Variants in CDH18 observed in about 807,000 individuals in gnomAD.
CDH18 encodes the protein cadherin-18.
A neutral mutation model predicts 67.9 loss-of-function variants in CDH18; 31 were observed. The observed-to-expected ratio is 0.46, with a 90% CI of 0.34 to 0.62. CDH18 has a LOEUF of 0.62. Among genes scored for constraint, CDH18 ranks in the 20% least tolerant of loss-of-function variants. The pLI is 0.01. For synonymous variants in CDH18, 362 were observed against 347.2 expected (o/e 1.04, Z -0.48); for missense variants, 890 against 975.5 (o/e 0.91, Z 1.17).
intron 1 of CDH18, among the ~76,000 whole-genome samples, chr5:20,458,953 T>A (rs1751030782): frequency 6.6e-6 from 1 of 152,196 alleles, no homozygotes; most frequent in Non-Finnish European, 1.5e-5. Context: ...TTCCACATAG[T>A]TCTTTACTTT....
intron 2 of CDH18, among the ~76,000 whole-genome samples, chr5:20,226,427 T>C (rs1741635371): frequency 6.6e-6 from 1 of 152,144 alleles, no homozygotes; most frequent in African/African-American, 2.4e-5. Flanking sequence ...ATATTGTTTG[T>C]TAAAATGTAC....
At chr5:20,198,256 A>C (rs1355429155) in intron 2 of CDH18, among the ~76,000 whole-genome samples, 1 of 152,114 alleles carries the variant, frequency 6.6e-6, no homozygotes, top group Non-Finnish European at 1.5e-5. Context: ...GGGCAAGAAA[A>C]GACAGAAAGA....
intron 2 of CDH18, among the ~76,000 whole-genome samples, chr5:19,850,306 G>A (rs1428171913): frequency 6.6e-6 from 1 of 151,696 alleles, no homozygotes; most frequent in African/African-American, 2.4e-5. Context: ...TAAAAATGAG[G>A]CACGAAATTT....
intron 2 of CDH18, among the ~76,000 whole-genome samples, chr5:19,925,449 C>A (rs1399959329): frequency 2.0e-5 from 3 of 152,048 alleles, no homozygotes; most frequent in Non-Finnish European, 2.9e-5. Context: ...ATTGGGGAGA[C>A]GAACTCATCA....
chr5:19,812,355 A>T (rs1192298554), intron 3 of CDH18, among the ~76,000 whole-genome samples: 5 of 152,138 alleles, frequency 3.3e-5, no homozygotes, highest in Non-Finnish European at 5.9e-5. Context: ...TATTATTTGG[A>T]GGTTTAAAAA....
rs1418812885 is a variant in CDH18 at position 20,563,275 on chromosome 5, G to A, written c.-580+12187C>T. The stretch of plus-strand genomic sequence containing the variant: ...TTGACATATGTGAGAGCTCATAAAT[G>A]AAAGTATCATCTAAACACAATAACA... On this transcript the variant is annotated intron_variant, in intron 1 of 14. Transcript: ENST00000507958. 2.0e-5 allele frequency among the ~76,000 whole-genome samples: 3 copies of A among 152,044 alleles called. No individual in the cohort carries two copies. The East Asian group carries it at 5.8e-4, about 29-fold the overall frequency.
intron 2 of CDH18, among the ~76,000 whole-genome samples, chr5:19,865,247 T>C (rs1345114226): frequency 3.3e-5 from 5 of 152,164 alleles, no homozygotes. Flanking sequence ...ATAATAGATG[T>C]CAAATACCAA....
intron 4 of CDH18, among the ~76,000 whole-genome samples, chr5:19,744,746 G>A (rs145584633): frequency 1.1e-3 from 161 of 152,216 alleles, no homozygotes; most frequent in African/African-American, 3.6e-3. Flanking sequence ...TCTGTAGGCC[G>A]TAAATGGGAC....
intron 1 of CDH18, among the ~76,000 whole-genome samples, chr5:20,534,314 T>C (rs1756586788): frequency 6.6e-6 from 1 of 152,130 alleles, no homozygotes; most frequent in Non-Finnish European, 1.5e-5. Context: ...AAAAGTATTA[T>C]TTGATTAAAT....
intron 7 of CDH18, among the ~76,000 whole-genome samples, chr5:19,585,413 C>T (rs1024614901): frequency 1.3e-5 from 2 of 152,142 alleles, no homozygotes; most frequent in Non-Finnish European, 2.9e-5. Flanking sequence ...CCACTGCACC[C>T]ATACACATCC....
intron 3 of CDH18, among the ~76,000 whole-genome samples, chr5:19,765,276 G>A (rs1561254655): frequency 6.6e-6 from 1 of 152,258 alleles, no homozygotes; most frequent in East Asian, 1.9e-4. Context: ...GCAAGTAAGA[G>A]TGAGATCCAC....
chr5:20,132,218 A>G (rs1749328648), intron 2 of CDH18, among the ~76,000 whole-genome samples: 1 of 152,120 alleles, frequency 6.6e-6, no homozygotes, highest in Non-Finnish European at 1.5e-5. Context: ...CAGGTAACAG[A>G]ATTTATCTAA....
intron 2 of CDH18, among the ~76,000 whole-genome samples, chr5:20,018,666 T>A (rs1262983887): frequency 6.6e-6 from 1 of 152,178 alleles, no homozygotes; most frequent in South Asian, 2.1e-4. Flanking sequence ...CAATTAATAT[T>A]GAAAGTGAGA....
At position 19,715,355 on chromosome 5, in the gene CDH18, G is replaced by T. The variant is rs982593440; in HGVS notation, c.643+5992C>A. Among the ~76,000 whole-genome samples, 10 of 152,104 alleles carry T rather than the reference G, an allele frequency of 6.6e-5. No individual in the cohort carries two copies. In the South Asian group the frequency reaches 2.1e-3, roughly 32 times the overall value. The stretch of plus-strand genomic sequence containing the variant: ...TTTAACTGAGTTCATTTTTATAGCT[G>T]ATTGAATTCTGTTACAATATGTTGA... On this transcript the variant is annotated intron_variant, in intron 5 of 12. Coordinates refer to ENST00000382275, the MANE Select transcript of CDH18 (RefSeq NM_004934.5).
chr5:20,490,261 T>C (rs1392624265), intron 1 of CDH18, among the ~76,000 whole-genome samples: 1 of 152,084 alleles, frequency 6.6e-6, no homozygotes. Context: ...GTGTCATTTT[T>C]AGAGACTGTA....
intron 3 of CDH18, among the ~76,000 whole-genome samples, chr5:19,770,956 T>G (rs2149738514): frequency 6.6e-6 from 1 of 152,288 alleles, no homozygotes; most frequent in South Asian, 2.1e-4. Flanking sequence ...ACAGCACAAC[T>G]CAACAAAAAG....
intron 2 of CDH18, among the ~76,000 whole-genome samples, chr5:19,839,524 C>T (rs1782039612): frequency 6.6e-6 from 1 of 152,150 alleles, no homozygotes. Context: ...GAATTACCTA[C>T]TGTATAAGAC....
At chr5:20,301,075 T>A (rs1303485414) in intron 1 of CDH18, among the ~76,000 whole-genome samples, 1 of 152,208 alleles carries the variant, frequency 6.6e-6, no homozygotes, top group Non-Finnish European at 1.5e-5. Context: ...TATGGGAGAC[T>A]TTCTATTCTA....
chr5:20,554,991 G>C (rs1757820303), intron 1 of CDH18, among the ~76,000 whole-genome samples: 1 of 152,184 alleles, frequency 6.6e-6, no homozygotes, highest in South Asian at 2.1e-4. Context: ...CTTTGGCCAA[G>C]TTATGGTCTG....
Sources: gnomAD v4.1 joint callset for allele counts (sites outside exome capture counted in the v4.1 genomes callset) on GRCh38, gnomAD v4.1.1 for gene constraint, MANE v1.5 for transcripts, NCBI Gene and HGNC (gene_info 2026-07-23, HGNC 2026-07-21) for gene names.